LRRK2: variants seen among roughly 807,000 people sequenced by gnomAD.
LRRK2 encodes the protein leucine-rich repeat serine/threonine-protein kinase 2.
In LRRK2, 203 loss-of-function variants were observed where a neutral mutation model predicts 302.6. The observed-to-expected ratio is 0.67, with a 90% confidence interval of 0.60 to 0.75. The LOEUF (loss-of-function observed/expected upper bound fraction) is 0.75, where lower values mean the gene tolerates loss of function less well. Among genes scored for constraint, LRRK2 ranks in the 30% least tolerant of loss-of-function variants. LRRK2 has a pLI of 0.00. For synonymous variants in LRRK2, 1,066 were observed against 1,031.9 expected (o/e 1.03, Z -0.63); for missense variants, 2,830 against 2,951.0 (o/e 0.96, Z 0.95).
At chr12:40,235,322 A>T (rs1275478206) in intron 3 of LRRK2, among the ~76,000 whole-genome samples, 2 of 152,206 alleles carry the variant, frequency 1.3e-5, no homozygotes, top group Non-Finnish European at 2.9e-5. Context: ...GAATGAAAAA[A>T]TTAGCCTGGT....
chr12:40,356,629 A>G (rs1008079881), intron 46 of LRRK2, among the ~76,000 whole-genome samples: 7 of 152,140 alleles, frequency 4.6e-5, no homozygotes, highest in African/African-American at 9.7e-5. Context: ...CTATCCATCT[A>G]TTCATCTTTG....
At chr12:40,367,431 A>C (rs1265249016) in intron 50 of LRRK2, 1 of 427,920 alleles carries the variant, frequency 2.3e-6, no homozygotes, top group Middle Eastern at 6.2e-4. Context: ...TTAAATGTTG[A>C]TACTCTATTT....
intron 39 of LRRK2, 32 bp downstream of exon 39, chr12:40,328,492 T>C (rs1592295135): frequency 6.9e-7 from 1 of 1,453,696 alleles, no homozygotes; most frequent in African/African-American, 1.4e-5. Flanking sequence ...TTATATTAAA[T>C]TGCACATTAT....
At chr12:40,333,549 G>A (rs769697521) in intron 39 of LRRK2, among the ~76,000 whole-genome samples, 9 of 152,118 alleles carry the variant, frequency 5.9e-5, no homozygotes, top group Admixed American at 5.2e-4. Flanking sequence ...AGTCTCACAT[G>A]ATGTGGGCCA....
At position 40,287,453 on chromosome 12, in the gene LRRK2, T is replaced by C; in HGVS notation, c.2603T>C (p.Val868Ala). 1.2e-6 allele frequency: 2 copies of C among 1,612,868 alleles called. No homozygotes were observed. The highest frequency in any genetic ancestry group is 1.7e-6 in the Non-Finnish European group (2 of 1,179,152). ...AGCGATGGAAATTTTTCTGAAGATG[T>C]GCTGTCTAAATTTGATGAATGGACC... is the stretch of plus-strand genomic sequence containing the variant. ...SGSDGNFSED[V>A]LSKFDEWTFI... Residue 868 changes from valine to alanine, a missense_variant, in exon 20 of 51, where the codon GTG (valine) becomes GCG (alanine). Physicochemically the swap from Val to Ala is moderately conservative, Grantham distance 64 (BLOSUM62 0). This residue lies in a region of LRRK2 where 2,121 missense variants were observed against 2,148.0 expected (regional missense o/e 0.99). Transcript: ENST00000298910.
chr12:40,321,835 T>C (rs564494634), intron 35 of LRRK2, among the ~76,000 whole-genome samples, 200 bp from the exon 36 acceptor site: 130 of 152,160 alleles, frequency 8.5e-4, no homozygotes, highest in African/African-American at 3.0e-3. Context: ...TGGATCTTAA[T>C]GTGCAGGGGA....
intron 7 of LRRK2, among the ~76,000 whole-genome samples, chr12:40,245,495 T>C (rs1300221756): frequency 6.6e-6 from 1 of 152,128 alleles, no homozygotes; most frequent in African/African-American, 2.4e-5. Context: ...CAAGTCACCA[T>C]ACATTCTTTT....
chr12:40,335,079 G>C lies in LRRK2; in HGVS notation c.5870G>C (p.Arg1957Pro). ...TTAGCCTCCAAGGGTTCCTTGGATCGCCTGCTTCAGCAGGACAAAGCCAGC... is the reference window on the plus strand; with the variant it reads ...TTAGCCTCCAAGGGTTCCTTGGATCCCCTGCTTCAGCAGGACAAAGCCAGC... ...MELASKGSLDRLLQQDKASLT... is the reference protein window; with the variant it reads ...MELASKGSLDPLLQQDKASLT... Residue 1957 changes from arginine to proline, a missense_variant, in exon 40 of 51, where the codon CGC (arginine) becomes CCC (proline). Physicochemically the swap from Arg to Pro is moderately radical, Grantham distance 103. Transcript: ENST00000298910. The C allele has an allele frequency of 6.2e-7, 1 of 1,614,042 alleles. No homozygotes were observed. The highest frequency in any genetic ancestry group is 8.5e-7 in the Non-Finnish European group (1 of 1,179,978).
intron 20 of LRRK2, among the ~76,000 whole-genome samples, chr12:40,293,101 C>T (rs769510805): frequency 1.8e-4 from 27 of 151,422 alleles, no homozygotes; most frequent in Non-Finnish European, 2.6e-4. Context: ...CCTATTCCAG[C>T]GGTCTCCATA....
Position 40,335,232 on chromosome 12 carries a change from C to A in LRRK2, c.5948+75C>A, listed in dbSNP as rs1012829380. On this transcript the variant is annotated intron_variant, in intron 40 of 50. Coordinates refer to ENST00000298910, the MANE Select transcript of LRRK2 (RefSeq NM_198578.4). ...GACTTGCTCTCAGGTTCTGAGAACA[C>A]TTCCCAGTAACACTGTGCCCCAGTA... 2.1e-5 allele frequency: 30 copies of A among 1,446,286 alleles called. No homozygotes were observed. In the African/African-American group the frequency reaches 3.9e-4, roughly 19 times the overall value. 89.6% of individuals were successfully genotyped at this position (1,446,286 alleles called of 1,614,324 possible).
intron 2 of LRRK2, among the ~76,000 whole-genome samples, chr12:40,226,279 T>A (rs1425180648): frequency 6.6e-6 from 1 of 152,174 alleles, no homozygotes; most frequent in Non-Finnish European, 1.5e-5. Context: ...GATTTTTTTT[T>A]AAAGGGGGCC....
intron 11 of LRRK2, 39 bp downstream of exon 11, chr12:40,253,055 A>AT: frequency 7.6e-7 from 1 of 1,324,336 alleles, no homozygotes; most frequent in South Asian, 1.2e-5. Flanking sequence ...AGGGAAACAC[A>AT]TTTTTGTGGT....
intron 39 of LRRK2, among the ~76,000 whole-genome samples, chr12:40,330,098 C>T (rs11176052): frequency 0.29 from 44,718 of 151,986 alleles, 7,276 homozygotes; most frequent in African/African-American, 0.4. Context: ...TTAGTTTCCT[C>T]GCCCTCTTTG....
At chr12:40,243,761 T>C in intron 7 of LRRK2, 80 bp downstream of exon 7, 1 of 1,311,104 alleles carries the variant, frequency 7.6e-7, no homozygotes, top group Non-Finnish European at 1.1e-6. Flanking sequence ...TGCATAATAA[T>C]GGATAAGTAG....
intron 50 of LRRK2, 82 bp downstream of exon 50, chr12:40,367,159 A>G: frequency 1.8e-6 from 2 of 1,119,598 alleles, no homozygotes; most frequent in East Asian, 2.5e-5. Context: ...ATAAATTTGT[A>G]GAAAATATTA....
In LRRK2 at chr12:40,345,535, A is replaced by T. The variant is rs529331313; in HGVS notation, c.6110-1218A>T. Among the ~76,000 whole-genome samples, 14 of 146,912 alleles carry T rather than the reference A, an allele frequency of 9.5e-5. No individual in the cohort carries two copies. In the South Asian group the frequency reaches 3.0e-3, roughly 32 times the overall value. On this transcript the variant is annotated intron_variant, in intron 41 of 50. Transcript: ENST00000298910. Reference sequence around the variant, plus strand: ...CTACTCGGGAGGCTGAGGCAGGAGAATCGCTTGAACCCAGGAGGCAGAGGT... The same window carrying T: ...CTACTCGGGAGGCTGAGGCAGGAGATTCGCTTGAACCCAGGAGGCAGAGGT...
intron 48 of LRRK2, among the ~76,000 whole-genome samples, chr12:40,364,370 G>A (rs1046516267): frequency 9.9e-5 from 15 of 151,920 alleles, no homozygotes; most frequent in African/African-American, 3.6e-4. Flanking sequence ...TTTATTTCTG[G>A]ACACTTCATT....
intron 7 of LRRK2, among the ~76,000 whole-genome samples, chr12:40,244,895 A>C (rs1941908486): frequency 6.6e-6 from 1 of 151,992 alleles, no homozygotes; most frequent in African/African-American, 2.4e-5. Context: ...ATAATTTTAA[A>C]AAAAAGGAGA....
At position 40,315,246 on chromosome 12, in the gene LRRK2, G is replaced by A. The variant is rs915990270; in HGVS notation, c.4773G>A (p.Gln1591=). 1 of 1,612,766 alleles carries A rather than the reference G, an allele frequency of 6.2e-7. No individual in the cohort carries two copies. Among genetic ancestry groups the A allele is most frequent in the East Asian group, 2.2e-5 (1 of 44,862 alleles). ...VLLHFQDPAL[Q]LSDLYFVEPK... ...TTCATTTTCAAGACCCAGCACTGCA[G>A]TTAAGTGACTTGTACTTTGTGGAAC... Residue 1591 remains glutamine, a synonymous_variant, in exon 33 of 51, where the codon CAG becomes CAA. Transcript: ENST00000298910.
Sources: gnomAD v4.1 joint callset for allele counts (sites outside exome capture counted in the v4.1 genomes callset) on GRCh38, gnomAD v4.1.1 for gene constraint, gnomAD v4.1.1 regional missense constraint, MANE v1.5 for transcripts, NCBI Gene and HGNC (gene_info 2026-07-23, HGNC 2026-07-21) for gene names.